USP6NL: variants seen among roughly 807,000 people sequenced by gnomAD.
USP6NL encodes USP6 N-terminal like, also known as USP6 N-terminal-like protein.
A neutral mutation model predicts 61.9 loss-of-function variants in USP6NL; 26 were observed. The observed-to-expected ratio is 0.42, with a 90% CI of 0.31 to 0.58. The LOEUF is 0.58. USP6NL is among the 20% of genes least tolerant of loss of function. USP6NL has a pLI of 0.16. For synonymous variants in USP6NL, 432 were observed against 390.1 expected, an observed-to-expected ratio of 1.11 and a Z score of -1.27; for missense variants, 1,114 against 1,034.3, an observed-to-expected ratio of 1.08 and a Z score of -1.06.
In USP6NL at chr10:11,482,048, T is replaced by A; in HGVS notation, c.926-126A>T. ...GGGCGCAAGCAGCATACAACTTACA[T>A]ATGGCATTGAGGACATCATTAAAAC... On this transcript the variant is annotated intron_variant, in intron 13 of 14. Coordinates refer to ENST00000609104, the MANE Select transcript of USP6NL (RefSeq NM_014688.5). This position sits in a 1 kb window ranked among gnomAD's most constrained non-coding sequence, Gnocchi z 4.0. The A allele has an allele frequency of 1.1e-6, 1 of 926,508 alleles. No individual in the cohort carries two copies. Among genetic ancestry groups the A allele is most frequent in the Non-Finnish European group, 1.5e-6 (1 of 651,264 alleles). The allele number at this position is 926,508 out of a possible 1,614,324, so 57.4% of individuals were successfully genotyped here.
intron 2 of USP6NL, among the ~76,000 whole-genome samples, chr10:11,586,110 C>G (rs1837951373): frequency 6.6e-6 from 1 of 152,134 alleles, no homozygotes; most frequent in South Asian, 2.1e-4. Flanking sequence ...TTTAAGTTAT[C>G]CTGTCTAGAA....
At position 11,496,186 on chromosome 10, in the gene USP6NL, C is replaced by G. The variant is rs1833916771; in HGVS notation, c.385-2958G>C. ...CCAGAGGCCCTCTGTTTCATCCTCG[C>G]CAAATAACAAACCTCCAGTCTTGGG... is the stretch of plus-strand genomic sequence containing the variant. On this transcript the variant is annotated intron_variant, in intron 7 of 14. Transcript: ENST00000609104. This position sits in a 1 kb window ranked among gnomAD's most constrained non-coding sequence, Gnocchi z 5.4. 6.6e-6 allele frequency among the ~76,000 whole-genome samples: 1 copy of G among 152,226 alleles called. No individual in the cohort carries two copies. Among genetic ancestry groups the G allele is most frequent in the Non-Finnish European group, 1.5e-5 (1 of 68,038 alleles).
chr10:11,486,268 G>A (rs1218327385), intron 10 of USP6NL, among the ~76,000 whole-genome samples: 2 of 150,542 alleles, frequency 1.3e-5, no homozygotes, highest in Non-Finnish European at 3.0e-5. Context: ...TTCCAACCCT[G>A]ACTAGTCATT....
At position 11,482,661 on chromosome 10, in the gene USP6NL, T is replaced by C. The variant is rs1193930045; in HGVS notation, c.926-739A>G. The stretch of plus-strand genomic sequence containing the variant: ...ATATGATGTGTACTATATGTAAGCA[T>C]TGTAATTTACTTAAACAGTCTTCTA... On this transcript the variant is annotated intron_variant, in intron 13 of 14. Transcript: ENST00000609104. This position sits in a 1 kb window ranked among gnomAD's most constrained non-coding sequence, Gnocchi z 4.0. Among the ~76,000 whole-genome samples, 2 of 152,224 alleles carry C rather than the reference T, an allele frequency of 1.3e-5. No individual in the cohort carries two copies. Among genetic ancestry groups the C allele is most frequent in the African/African-American group, 2.4e-5 (1 of 41,472 alleles).
At position 11,493,162 on chromosome 10, in the gene USP6NL, T is replaced by G; in HGVS notation, c.451A>C (p.Thr151Pro). The G allele has an allele frequency of 6.2e-7, 1 of 1,612,532 alleles. No homozygotes were observed. Residue 151 changes from threonine to proline, a missense_variant, in exon 8 of 15, where the codon ACA (threonine) becomes CCA (proline). By Grantham distance (38) the Thr-to-Pro change is conservative (BLOSUM62 -1). Coordinates refer to ENST00000609104, the MANE Select transcript of USP6NL (RefSeq NM_014688.5). The part of the protein sequence containing the change: ...IRQIDLDVNR[T>P]FRDHIMFRDR... Reference sequence around the variant, plus strand: ...CTAAACATAATGTGGTCCCGAAATGTGCGGTTGACATCCAGGTCTATTTGT... The same window carrying G: ...CTAAACATAATGTGGTCCCGAAATGGGCGGTTGACATCCAGGTCTATTTGT...
rs34081575 is a variant in USP6NL at position 11,562,227 on chromosome 10, A to T, written c.5-34660T>A. On this transcript the variant is annotated intron_variant, in intron 2 of 14. Coordinates refer to ENST00000609104, the MANE Select transcript of USP6NL (RefSeq NM_014688.5). This position sits in a 1 kb window ranked among gnomAD's most constrained non-coding sequence, Gnocchi z 4.8. ...CAGTGAGCCGAGATCGCACCACTGC[A>T]CGCCAGCCTGGCGGACAGTGCAAGA... 0.12 allele frequency among the ~76,000 whole-genome samples: 17,507 copies of T among 151,008 alleles called. 1,336 individuals are homozygous for T. Among genetic ancestry groups the T allele is most frequent in the East Asian group, 0.16 (817 of 5,122 alleles).
intron 2 of USP6NL, chr10:11,565,743 T>C (rs1837123966): frequency 6.6e-6 from 1 of 152,092 alleles, no homozygotes; most frequent in Admixed American, 6.5e-5. Flanking sequence ...ACAGCTACTA[T>C]CCAGCCGCTC....
intron 6 of USP6NL, among the ~76,000 whole-genome samples, chr10:11,504,927 G>A (rs570507215): frequency 4.5e-4 from 69 of 152,284 alleles, no homozygotes; most frequent in Non-Finnish European, 8.4e-4. Context: ...CCACACTGTC[G>A]AGATCTGTGA....
chr10:11,537,962 T>C lies in USP6NL; in HGVS notation c.5-10395A>G, dbSNP rs554497130. Among the ~76,000 whole-genome samples, 1 of 152,348 alleles carries C rather than the reference T, an allele frequency of 6.6e-6. No individual in the cohort carries two copies. The highest frequency in any genetic ancestry group is 1.9e-4 in the East Asian group (1 of 5,194). ...GTGTCGATATAATTGGTAGGTTGCT[T>C]GTTTTGTTTTTGTAAGCACATGTTT... On this transcript the variant is annotated intron_variant, in intron 2 of 14. Coordinates refer to ENST00000609104, the MANE Select transcript of USP6NL (RefSeq NM_014688.5). This position sits in a 1 kb window ranked among gnomAD's most constrained non-coding sequence, Gnocchi z 5.1.
chr10:11,480,925 C>T (rs1250868932), intron 14 of USP6NL, among the ~76,000 whole-genome samples: 3 of 152,216 alleles, frequency 2.0e-5, no homozygotes, highest in Non-Finnish European at 4.4e-5. Flanking sequence ...TCAAGACATA[C>T]ATGGTCAAGT....
In USP6NL at chr10:11,537,395, A is replaced by T. The variant is rs996477291; in HGVS notation, c.5-9828T>A. Among the ~76,000 whole-genome samples, 9 of 152,182 alleles carry T rather than the reference A, an allele frequency of 5.9e-5. No homozygotes were observed. On this transcript the variant is annotated intron_variant, in intron 2 of 14. Coordinates refer to ENST00000609104, the MANE Select transcript of USP6NL (RefSeq NM_014688.5). This position sits in a 1 kb window ranked among gnomAD's most constrained non-coding sequence, Gnocchi z 5.1. ...CCAAAGTGCTACGATTATAGGCATG[A>T]GCCACAAAGCCCGGCCTACTCCTCT...
At chr10:11,559,759 G>T (rs190304369) in intron 2 of USP6NL, among the ~76,000 whole-genome samples, 2 of 152,188 alleles carry the variant, frequency 1.3e-5, no homozygotes, top group African/African-American at 4.8e-5. Flanking sequence ...AACTCCCTGG[G>T]GAAGGAGAGT....
rs565103633 is a variant in USP6NL, at chr10:11,478,616, T to C, written c.1078+3154A>G. 1.2e-4 allele frequency among the ~76,000 whole-genome samples: 18 copies of C among 152,258 alleles called. No individual in the cohort carries two copies. Among genetic ancestry groups the C allele is most frequent in the African/African-American group, 3.9e-4 (16 of 41,546 alleles). On this transcript the variant is annotated intron_variant, in intron 14 of 14. Transcript: ENST00000609104. The surrounding 1 kb of genome is among the most constrained non-coding windows in gnomAD (Gnocchi z 6.8). ...GAGGGGACATTTGCCCTAATAGATATGCAAAGTGTAACTGGAGGCCGGATA... is the reference window on the plus strand; with the variant it reads ...GAGGGGACATTTGCCCTAATAGATACGCAAAGTGTAACTGGAGGCCGGATA...
chr10:11,482,070 A>G lies in USP6NL; in HGVS notation c.926-148T>C. ...ACATATGGCATTGAGGACATCATTA[A>G]AACTCAGTAAGACAAAAATATTGCC... On this transcript the variant is annotated intron_variant, in intron 13 of 14. Coordinates refer to ENST00000609104, the MANE Select transcript of USP6NL (RefSeq NM_014688.5). The surrounding 1 kb of genome is among the most constrained non-coding windows in gnomAD (Gnocchi z 4.0). 1 of 786,520 alleles carries G rather than the reference A, an allele frequency of 1.3e-6. No individual in the cohort carries two copies. Among genetic ancestry groups the G allele is most frequent in the Non-Finnish European group, 1.9e-6 (1 of 536,298 alleles). 48.7% of individuals were successfully genotyped at this position (786,520 alleles called of 1,614,324 possible).
Position 11,463,671 on chromosome 10 carries a change from C to G in USP6NL, c.1257G>C (p.Gln419His). Residue 419 changes from glutamine to histidine, a missense_variant, in exon 15 of 15, where the codon CAG (glutamine) becomes CAC (histidine). Physicochemically the swap from Gln to His is conservative, Grantham distance 24. Transcript: ENST00000609104. The surrounding 1 kb of genome is among the most constrained non-coding windows in gnomAD (Gnocchi z 6.3). ...HRRHEHSPHPQSRTGTPERAQ... is the reference protein window; with the variant it reads ...HRRHEHSPHPHSRTGTPERAQ... Reference sequence around the variant, plus strand: ...CTCTCTCGGGCGTCCCGGTCCTGCTCTGGGGGTGCGGGGAGTGCTCGTGCC... The same window carrying G: ...CTCTCTCGGGCGTCCCGGTCCTGCTGTGGGGGTGCGGGGAGTGCTCGTGCC... 6.2e-7 allele frequency: 1 copy of G among 1,613,944 alleles called. No individual in the cohort carries two copies. Among genetic ancestry groups the G allele is most frequent in the Non-Finnish European group, 8.5e-7 (1 of 1,179,866 alleles).
Position 11,527,570 on chromosome 10 carries a change from G to A in USP6NL, c.5-3C>T, listed in dbSNP as rs778633791. 4.4e-6 allele frequency: 7 copies of A among 1,606,470 alleles called. No homozygotes were observed. In the Admixed American group the frequency reaches 1.0e-4, roughly 23 times the overall value. On this transcript the variant is annotated splice_region_variant and splice_polypyrimidine_tract_variant and intron_variant, in intron 2 of 14. Coordinates refer to ENST00000609104, the MANE Select transcript of USP6NL (RefSeq NM_014688.5). ...GAGTGCTACATCCTGGTCTGAATCT[G>A]TGGAGAAGACATCAAATTTAGATGA...
At chr10:11,529,735 C>T (rs1159200778) in intron 2 of USP6NL, among the ~76,000 whole-genome samples, 2 of 152,142 alleles carry the variant, frequency 1.3e-5, no homozygotes, top group Non-Finnish European at 2.9e-5. Context: ...GACTTACAAG[C>T]CTTTGTCAGT....
chr10:11,500,015 C>A (rs1228297814), intron 7 of USP6NL, among the ~76,000 whole-genome samples: 1 of 152,126 alleles, frequency 6.6e-6, no homozygotes, highest in Non-Finnish European at 1.5e-5. Context: ...ATGTCCTTTG[C>A]CAGGACATGG....
intron 2 of USP6NL, among the ~76,000 whole-genome samples, chr10:11,541,230 CATATATATAT>C (rs71378797): frequency 0.068 from 2,918 of 43,222 alleles, 47 homozygotes; most frequent in Non-Finnish European, 0.071. Context: ...TCAATAGTGC[CATATATATAT>C]ATATATATAT....
Sources: allele counts gnomAD v4.1 joint callset (sites outside exome capture counted in the v4.1 genomes callset), GRCh38; gene constraint gnomAD v4.1.1; non-coding constraint Gnocchi (gnomAD v3.1); transcripts MANE v1.5; gene names NCBI Gene and HGNC (gene_info 2026-07-23, HGNC 2026-07-21).